Variants in IL7R observed in about 807,000 individuals in gnomAD.
IL7R encodes interleukin-7 receptor subunit alpha.
A neutral mutation model predicts 47.0 loss-of-function variants in IL7R; 38 were observed. That is an observed-to-expected ratio of 0.81 (90% CI 0.62 to 1.06). The LOEUF (loss-of-function observed/expected upper bound fraction) is 1.06. Ranked by LOEUF, IL7R falls within the 50% of genes least tolerant of loss-of-function variation. IL7R has a pLI of 0.00. For missense variants in IL7R, 633 were observed against 534.8 expected (o/e 1.18, Z -1.81); for synonymous variants, 221 against 199.8 (o/e 1.11, Z -0.89).
intron 3 of IL7R, among the ~76,000 whole-genome samples, chr5:35,869,763 TTC>T (rs1361406879): frequency 6.6e-6 from 1 of 152,162 alleles, no homozygotes; most frequent in Non-Finnish European, 1.5e-5. Context: ...ATTGCCAGCA[TTC>T]TCTGTTCGGC....
At chr5:35,872,369 T>G (rs1054407230) in intron 4 of IL7R, among the ~76,000 whole-genome samples, 3 of 152,172 alleles carry the variant, frequency 2.0e-5, no homozygotes, top group African/African-American at 7.2e-5. Flanking sequence ...CGGCTAATTT[T>G]TGTATTTTTG....
intron 1 of IL7R, 139 bp from the exon 2 acceptor site, chr5:35,860,713 C>T: frequency 3.3e-6 from 3 of 904,640 alleles, no homozygotes; most frequent in Non-Finnish European, 3.5e-6. Flanking sequence ...TGCCCTTGGG[C>T]TTTTCTTCCT....
In IL7R at chr5:35,860,961, C is replaced by G; in HGVS notation, c.192C>G (p.Val64=). 6.2e-7 allele frequency: 1 copy of G among 1,613,526 alleles called. No individual in the cohort carries two copies. The highest frequency in any genetic ancestry group is 1.3e-5 in the African/African-American group (1 of 74,998). Residue 64 remains valine (V), a synonymous_variant, in exon 2 of 8, where the codon GTC becomes GTG. Coordinates refer to ENST00000303115, the MANE Select transcript of IL7R (RefSeq NM_002185.5). ...CCTGTGCTTTTGAGGACCCAGATGT[C>G]AACATCACCAATCTGGAATTTGAAA... ...SLTCAFEDPD[V]NITNLEFEIC...
chr5:35,875,856 G>A, intron 7 of IL7R, 127 bp from the exon 8 acceptor site: 1 of 1,066,594 alleles, frequency 9.4e-7, no homozygotes. Context: ...AGAGTCCATT[G>A]AGGAACATGC....
At position 35,873,560 on chromosome 5, in the gene IL7R, A is replaced by T; in HGVS notation, c.618A>T (p.Arg206=). ...QPAAMYEIKV[R]SIPDHYFKGF... ...CAGCAATGTATGAGATTAAAGTTCG[A>T]TCCATCCCTGATCACTATTTTAAAG... Residue 206 remains arginine, a synonymous_variant, in exon 5 of 8, where the codon CGA becomes CGT. Transcript: ENST00000303115. 6.2e-7 allele frequency: 1 copy of T among 1,614,022 alleles called. No homozygotes were observed. Among genetic ancestry groups the T allele is most frequent in the Non-Finnish European group, 8.5e-7 (1 of 1,179,880 alleles).
At chr5:35,865,127 T>A (rs7720993) in intron 2 of IL7R, among the ~76,000 whole-genome samples, 104,334 of 151,956 alleles carry the variant, frequency 0.69, 36,558 homozygotes, top group African/African-American at 0.8. Context: ...CACCTATGAC[T>A]GGCCCTGGTG....
intron 6 of IL7R, 179 bp from the exon 7 acceptor site, chr5:35,875,333 T>C: frequency 1.5e-6 from 1 of 667,620 alleles, no homozygotes; most frequent in Non-Finnish European, 2.7e-6. Context: ...CCTCCTTGAA[T>C]TGATAGGGCC....
At chr5:35,875,853 A>G in intron 7 of IL7R, 130 bp from the exon 8 acceptor site, 1 of 1,041,780 alleles carries the variant, frequency 9.6e-7, no homozygotes, top group Non-Finnish European at 1.5e-6. Context: ...CAAAGAGTCC[A>G]TTGAGGAACA....
At chr5:35,868,452 T>G (rs1319061852) in intron 3 of IL7R, among the ~76,000 whole-genome samples, 6 of 152,128 alleles carry the variant, frequency 3.9e-5, no homozygotes, top group Non-Finnish European at 1.5e-5. Context: ...AATTAACTTG[T>G]GAAAAGGCAA....
chr5:35,870,743 C>T (rs1760051078), intron 3 of IL7R, among the ~76,000 whole-genome samples: 1 of 152,314 alleles, frequency 6.6e-6, no homozygotes, highest in South Asian at 2.1e-4. Context: ...GCTCCACCGT[C>T]TGTAATGCAG....
At chr5:35,867,562 A>G in intron 3 of IL7R, 99 bp downstream of exon 3, 1 of 909,978 alleles carries the variant, frequency 1.1e-6, no homozygotes, top group Non-Finnish European at 1.8e-6. Context: ...AATAGTGGAA[A>G]CAACTGGCAA....
intron 1 of IL7R, among the ~76,000 whole-genome samples, chr5:35,858,778 C>G (rs1210809859): frequency 6.6e-6 from 1 of 152,146 alleles, no homozygotes; most frequent in African/African-American, 2.4e-5. Flanking sequence ...TTACTGTGTT[C>G]TAAGCTACCT....
chr5:35,870,703 A>C (rs1331621867), intron 3 of IL7R, among the ~76,000 whole-genome samples: 1 of 152,202 alleles, frequency 6.6e-6, no homozygotes, highest in East Asian at 1.9e-4. Flanking sequence ...GGCTTCTCCC[A>C]GCAGTATTAG....
At chr5:35,870,851 A>G (rs532035259) in intron 3 of IL7R, among the ~76,000 whole-genome samples, 4 of 152,024 alleles carry the variant, frequency 2.6e-5, no homozygotes, top group African/African-American at 7.2e-5. Flanking sequence ...TGCCCACCTC[A>G]CTCACAAGGC....
At chr5:35,875,609 A>G in intron 7 of IL7R, 22 bp downstream of exon 7, 2 of 1,570,908 alleles carry the variant, frequency 1.3e-6, no homozygotes, top group Non-Finnish European at 1.8e-6. Context: ...TGGTGCTTAA[A>G]AAGTGTTGTG....
intron 3 of IL7R, among the ~76,000 whole-genome samples, chr5:35,870,416 C>T (rs1201056789): frequency 1.3e-5 from 2 of 152,304 alleles, no homozygotes; most frequent in Middle Eastern, 3.4e-3. Context: ...AGGATGCAGA[C>T]CCTTCATGTC....
intron 3 of IL7R, 21 bp downstream of exon 3, chr5:35,867,484 G>A (rs1759969990): frequency 1.2e-6 from 2 of 1,605,610 alleles, no homozygotes; most frequent in Non-Finnish European, 8.5e-7. Context: ...GTATATAAAA[G>A]TATGGTTGTC....
chr5:35,863,918 G>T (rs943221386), intron 2 of IL7R, among the ~76,000 whole-genome samples: 1 of 151,876 alleles, frequency 6.6e-6, no homozygotes, highest in African/African-American at 2.4e-5. Flanking sequence ...TAAAATTTAT[G>T]TGTGGTAAAA....
At chr5:35,867,156 C>T (rs1228284542) in intron 2 of IL7R, 150 bp from the exon 3 acceptor site, 4 of 646,178 alleles carry the variant, frequency 6.2e-6, no homozygotes, top group Non-Finnish European at 1.1e-5. Flanking sequence ...AATTCATTAT[C>T]TCTCATTCCT....
Sources: allele counts gnomAD v4.1 joint callset (sites outside exome capture counted in the v4.1 genomes callset), GRCh38; gene constraint gnomAD v4.1.1; transcripts MANE v1.5; gene names NCBI Gene and HGNC (gene_info 2026-07-23, HGNC 2026-07-21).